Variants in DNM3 observed in about 807,000 individuals in gnomAD.
DNM3 encodes the protein dynamin 3.
DNM3 carries 47 observed loss-of-function variants against 101.6 expected under a neutral mutation model. That is an observed-to-expected ratio of 0.46 (90% confidence interval 0.37 to 0.59). DNM3 has a LOEUF of 0.59. Ranked by LOEUF, DNM3 falls within the 20% of genes least tolerant of loss-of-function variation. The pLI, the probability that DNM3 is intolerant of heterozygous loss-of-function variation, is 0.00. For synonymous variants in DNM3, 385 were observed against 387.9 expected (o/e 0.99, Z 0.09); for missense variants, 849 against 1,085.7 (o/e 0.78, Z 3.06).
At chr1:172,307,534 G>A (rs754056926) in intron 15 of DNM3, among the ~76,000 whole-genome samples, 2 of 152,050 alleles carry the variant, frequency 1.3e-5, no homozygotes, top group South Asian at 2.1e-4. Flanking sequence ...GTATATACCC[G>A]AAGGATCATA....
intron 4 of DNM3, among the ~76,000 whole-genome samples, chr1:172,004,775 A>G (rs1243147671): frequency 6.6e-6 from 1 of 151,916 alleles, no homozygotes; most frequent in Non-Finnish European, 1.5e-5. Context: ...AAAAAAGAGA[A>G]CTCAGTTTAA....
intron 4 of DNM3, among the ~76,000 whole-genome samples, chr1:172,021,036 TTGTC>T (rs1189189020): frequency 1.3e-5 from 2 of 152,362 alleles, no homozygotes; most frequent in Non-Finnish European, 2.9e-5. Flanking sequence ...GAACAGCTAA[TTGTC>T]TGTGATTTCA....
chr1:171,958,698 T>C (rs948980197), intron 2 of DNM3, among the ~76,000 whole-genome samples: 1 of 152,092 alleles, frequency 6.6e-6, no homozygotes, highest in Non-Finnish European at 1.5e-5. Flanking sequence ...GAGTAAGCTG[T>C]CCAGATGAGA....
chr1:172,129,424 T>C (rs1205497764), intron 13 of DNM3, among the ~76,000 whole-genome samples: 1 of 152,164 alleles, frequency 6.6e-6, no homozygotes, highest in Non-Finnish European at 1.5e-5. Flanking sequence ...ATGATTGTAA[T>C]ATAACTGGTA....
chr1:172,006,246 G>A (rs1288875112), intron 4 of DNM3, among the ~76,000 whole-genome samples: 1 of 152,032 alleles, frequency 6.6e-6, no homozygotes, highest in African/African-American at 2.4e-5. Flanking sequence ...GTGCTTTCTA[G>A]GAGGAACGCT....
At chr1:171,943,108 C>T (rs2041926371) in intron 2 of DNM3, among the ~76,000 whole-genome samples, 4 of 149,850 alleles carry the variant, frequency 2.7e-5, no homozygotes, top group Admixed American at 2.0e-4. Flanking sequence ...GAAACACTGT[C>T]TCAAAAAAAA....
chr1:172,401,969 C>T (rs2149114226), intron 20 of DNM3, among the ~76,000 whole-genome samples: 1 of 152,276 alleles, frequency 6.6e-6, no homozygotes, highest in East Asian at 1.9e-4. Context: ...AGGGGTCCTG[C>T]ATCACAGCTG....
intron 14 of DNM3, among the ~76,000 whole-genome samples, chr1:172,245,287 A>G (rs954142064): frequency 3.3e-5 from 5 of 152,220 alleles, no homozygotes; most frequent in Non-Finnish European, 5.9e-5. Context: ...TTGTTTCTTT[A>G]GGGGTTTATC....
Position 171,841,543 on chromosome 1 carries a change from G to A in DNM3, c.-114G>A. The A allele has an allele frequency of 7.7e-6, 11 of 1,422,318 alleles. No homozygotes were observed. The South Asian group carries it at 1.5e-4, about 19-fold the overall frequency. The allele number at this position is 1,422,318 out of a possible 1,614,324, so 88.1% of individuals were successfully genotyped here. ...CGGCGGGCTCCGACGTCTGCGCCAG[G>A]ACCTGGCTGGCTGAGCCCGGCGCAG... On this transcript the variant is annotated 5_prime_UTR_variant, in exon 1 of 21. Transcript: ENST00000627582.
At chr1:172,048,339 T>C (rs2049964542) in intron 9 of DNM3, among the ~76,000 whole-genome samples, 1 of 152,214 alleles carries the variant, frequency 6.6e-6, no homozygotes, top group African/African-American at 2.4e-5. Context: ...TTTTGGAATC[T>C]TTCAGAAATA....
intron 2 of DNM3, among the ~76,000 whole-genome samples, chr1:171,976,495 T>C (rs1056708499): frequency 6.6e-6 from 1 of 152,194 alleles, no homozygotes; most frequent in African/African-American, 2.4e-5. Flanking sequence ...TTATTCACTA[T>C]CATGAGAACA....
intron 2 of DNM3, among the ~76,000 whole-genome samples, chr1:171,934,426 ATTATTGTCAAG>A (rs772236460): frequency 1.7e-4 from 26 of 152,208 alleles, no homozygotes; most frequent in Non-Finnish European, 3.2e-4. Context: ...GTATACATTT[ATTATTGTCAAG>A]TTATTGAATC....
chr1:172,371,314 A>G (rs1224220102), intron 17 of DNM3, among the ~76,000 whole-genome samples: 1 of 152,006 alleles, frequency 6.6e-6, no homozygotes, highest in Non-Finnish European at 1.5e-5. Flanking sequence ...TAAACCCACA[A>G]ATGTTCATTA....
intron 2 of DNM3, among the ~76,000 whole-genome samples, chr1:171,965,884 A>T (rs1464909207): frequency 6.6e-6 from 1 of 152,102 alleles, no homozygotes; most frequent in Non-Finnish European, 1.5e-5. Flanking sequence ...ATGTAGTTGG[A>T]TTCTCTGGCA....
At chr1:172,414,451 C>A (rs1480626326), downstream of DNM3, among the ~76,000 whole-genome samples, 1 of 152,112 alleles carries the variant, frequency 6.6e-6, no homozygotes, top group Non-Finnish European at 1.5e-5. Context: ...TTCACAGAAA[C>A]CTTAAAATCA....
At chr1:172,136,014 T>C (rs1332484886) in intron 14 of DNM3, among the ~76,000 whole-genome samples, 2 of 152,112 alleles carry the variant, frequency 1.3e-5, no homozygotes, top group Non-Finnish European at 2.9e-5. Context: ...ATTTAAATCA[T>C]AATGAGCTAC....
In DNM3 at chr1:171,847,896, C is replaced by CTCTGTGTG. The variant is rs1200145388; in HGVS notation, c.161+6080_161+6081insCTGTGTGT. Among the ~76,000 whole-genome samples, 353 of 141,220 alleles carry CTCTGTGTG rather than the reference C, an allele frequency of 2.5e-3. 1 individual carries two copies. The highest frequency in any genetic ancestry group is 7.4e-3 in the African/African-American group (274 of 37,268). The allele number at this position is 141,220 out of a possible 152,430, so 92.6% of individuals were successfully genotyped here. A position where few individuals can be genotyped will look rare whatever the true frequency, so the allele number is the denominator to read the frequency against. ...TATTAATTACTCTCTCTCTCTCTCT[C>CTCTGTGTG]TGTGTGTGTGTGTGTGTGTGTGTGT... On this transcript the variant is annotated intron_variant, in intron 1 of 20. Coordinates refer to ENST00000627582, the MANE Select transcript of DNM3 (RefSeq NM_015569.5).
chr1:172,375,307 T>G (rs942341784), intron 17 of DNM3, among the ~76,000 whole-genome samples: 1 of 152,042 alleles, frequency 6.6e-6, no homozygotes, highest in Non-Finnish European at 1.5e-5. Context: ...CCTGGTAGCT[T>G]TTGGAAACAC....
At chr1:172,407,585 G>A (rs532164848) in intron 20 of DNM3, among the ~76,000 whole-genome samples, 187 bp from the exon 21 acceptor site, 7 of 151,972 alleles carry the variant, frequency 4.6e-5, no homozygotes, top group East Asian at 3.9e-4. Context: ...GAAAAAAGAC[G>A]TAATTTTCAT....
Sources: allele counts gnomAD v4.1 joint callset (sites outside exome capture counted in the v4.1 genomes callset), GRCh38; gene constraint gnomAD v4.1.1; transcripts MANE v1.5; gene names NCBI Gene and HGNC (gene_info 2026-07-23, HGNC 2026-07-21).